Variants in EPB41L3 observed in about 807,000 individuals in gnomAD.
EPB41L3 encodes the protein erythrocyte membrane protein band 4.1 like 3, also known as band 4.1-like protein 3.
In EPB41L3, 57 loss-of-function variants were observed where a neutral mutation model predicts 127.1. The ratio of observed to expected loss-of-function variants is 0.45; its 90% confidence interval spans 0.36 to 0.56. The LOEUF (loss-of-function observed/expected upper bound fraction) is 0.56, where lower values mean the gene tolerates loss of function less well. EPB41L3 is among the 20% of genes least tolerant of loss of function. The pLI is 0.00. For synonymous variants in EPB41L3, 572 were observed against 549.5 expected, an observed-to-expected ratio of 1.04 and a Z score of -0.57; for missense variants, 1,273 against 1,372.2, an observed-to-expected ratio of 0.93 and a Z score of 1.14.
chr18:5,544,507 C>T (rs1308466517), upstream of EPB41L3, among the ~76,000 whole-genome samples: 2 of 151,888 alleles, frequency 1.3e-5, no homozygotes, highest in African/African-American at 4.8e-5. Flanking sequence ...TAAGAGAAGT[C>T]GCCCATTTTT....
At chr18:5,579,380 T>C (rs2094368901) in intron 3 of EPB41L3, among the ~76,000 whole-genome samples, 1 of 152,218 alleles carries the variant, frequency 6.6e-6, no homozygotes, top group Non-Finnish European at 1.5e-5. Flanking sequence ...TCATAGGTGC[T>C]TCTTATTTAA....
intron 3 of EPB41L3, among the ~76,000 whole-genome samples, chr18:5,556,294 C>T (rs1950861817): frequency 6.6e-6 from 1 of 152,224 alleles, no homozygotes; most frequent in Non-Finnish European, 1.5e-5. Context: ...AGATCTTGGA[C>T]ATTTAAGTGA....
chr18:5,547,585 CTATATAATT>C (rs1354392804), upstream of EPB41L3, among the ~76,000 whole-genome samples: 5 of 152,258 alleles, frequency 3.3e-5, no homozygotes, highest in Middle Eastern at 6.8e-3. Context: ...TGAAATTACT[CTATATAATT>C]TATATCACTG....
intron 3 of EPB41L3, among the ~76,000 whole-genome samples, chr18:5,453,108 G>A (rs1376500541): frequency 6.6e-6 from 1 of 152,170 alleles, no homozygotes; most frequent in East Asian, 1.9e-4. Flanking sequence ...GACAATGAGT[G>A]CAAAAGCAGG....
chr18:5,452,083 G>A (rs945908342), intron 3 of EPB41L3, among the ~76,000 whole-genome samples: 4 of 152,174 alleles, frequency 2.6e-5, no homozygotes, highest in African/African-American at 9.6e-5. Flanking sequence ...GACCTCAAGT[G>A]ATCCATCCAC....
intron 16 of EPB41L3, among the ~76,000 whole-genome samples, chr18:5,404,814 A>ATCTGAT (rs2075091500): frequency 1.3e-5 from 2 of 152,192 alleles, no homozygotes; most frequent in South Asian, 4.1e-4. Flanking sequence ...TTAATCCAGT[A>ATCTGAT]TCTGATATCT....
chr18:5,579,674 T>C (rs183813145), intron 3 of EPB41L3, among the ~76,000 whole-genome samples: 107 of 152,314 alleles, frequency 7.0e-4, no homozygotes, highest in African/African-American at 2.5e-3. Flanking sequence ...ACCTTGTCTA[T>C]AGGTCATAGC....
intron 3 of EPB41L3, among the ~76,000 whole-genome samples, chr18:5,559,366 T>C (rs1449105192): frequency 6.6e-6 from 1 of 152,174 alleles, no homozygotes; most frequent in Non-Finnish European, 1.5e-5. Context: ...TCCTTACTTC[T>C]CCACCCGCCT....
At chr18:5,447,447 A>C (rs968555864) in intron 3 of EPB41L3, among the ~76,000 whole-genome samples, 1 of 106,762 alleles carries the variant, frequency 9.4e-6, no homozygotes, top group African/African-American at 3.4e-5. Context: ...TAGCTAGACT[A>C]CTTTTTTTTT....
At chr18:5,487,118 A>G (rs2089882971) in intron 2 of EPB41L3, among the ~76,000 whole-genome samples, 1 of 152,206 alleles carries the variant, frequency 6.6e-6, no homozygotes, top group African/African-American at 2.4e-5. Context: ...AAAGTGGTAT[A>G]TACACCCAAT....
chr18:5,575,836 CA>C (rs1292532711), intron 3 of EPB41L3, among the ~76,000 whole-genome samples: 3 of 150,464 alleles, frequency 2.0e-5, no homozygotes, highest in Non-Finnish European at 3.0e-5. Flanking sequence ...GACTCCGTCT[CA>C]AAAAAAAAGC....
intron 11 of EPB41L3, among the ~76,000 whole-genome samples, chr18:5,420,855 G>A (rs1412549076): frequency 6.6e-6 from 1 of 152,120 alleles, no homozygotes; most frequent in East Asian, 1.9e-4. Context: ...GTAAATAAAA[G>A]AAAGGATTCT....
upstream of EPB41L3, among the ~76,000 whole-genome samples, chr18:5,545,454 G>A (rs1362041573): frequency 6.6e-6 from 1 of 152,166 alleles, no homozygotes; most frequent in Non-Finnish European, 1.5e-5. Flanking sequence ...AGGAAAGGAG[G>A]ATGGTATTTG....
Position 5,460,050 on chromosome 18 carries a change from C to T in EPB41L3, c.382-14806G>A, listed in dbSNP as rs531601284. ...TAGGTCATTTTCAGTCCTTTCCCTG[C>T]TCCTCTCTCCCTCATTTTGGAGTTT... On this transcript the variant is annotated intron_variant, in intron 3 of 22. Coordinates refer to ENST00000341928, the MANE Select transcript of EPB41L3 (RefSeq NM_012307.5). Among the ~76,000 whole-genome samples the T allele has an allele frequency of 1.3e-4, 20 of 152,302 alleles. No individual in the cohort carries two copies. In the South Asian group the frequency reaches 1.5e-3, roughly 11 times the overall value.
At chr18:5,432,602 T>A (rs1568145500) in intron 8 of EPB41L3, among the ~76,000 whole-genome samples, 2 of 152,228 alleles carry the variant, frequency 1.3e-5, no homozygotes, top group Admixed American at 6.5e-5. Context: ...AAGACTTTTA[T>A]TCTGGGCTGT....
intron 5 of EPB41L3, among the ~76,000 whole-genome samples, chr18:5,440,377 A>G (rs2080504132): frequency 6.6e-6 from 1 of 152,236 alleles, no homozygotes; most frequent in African/African-American, 2.4e-5. Flanking sequence ...GTCCAGTTAA[A>G]TGGGGCATAA....
intron 3 of EPB41L3, among the ~76,000 whole-genome samples, chr18:5,577,963 A>C (rs545541161): frequency 6.6e-6 from 1 of 152,150 alleles, no homozygotes; most frequent in South Asian, 2.1e-4. Flanking sequence ...AAGGAGTCTG[A>C]GCTCATTTAA....
chr18:5,624,898 G>A (rs766393866), intron 1 of EPB41L3, among the ~76,000 whole-genome samples: 8 of 152,144 alleles, frequency 5.3e-5, no homozygotes, highest in African/African-American at 1.7e-4. Flanking sequence ...GAGAATTATC[G>A]AGAAAAACAT....
At chr18:5,620,322 A>G (rs950112069) in intron 1 of EPB41L3, among the ~76,000 whole-genome samples, 9 of 152,204 alleles carry the variant, frequency 5.9e-5, no homozygotes, top group Non-Finnish European at 1.0e-4. Context: ...TTCTAACTGT[A>G]TACTACAGAG....
Sources: gnomAD v4.1 joint callset for allele counts (sites outside exome capture counted in the v4.1 genomes callset) on GRCh38, gnomAD v4.1.1 for gene constraint, MANE v1.5 for transcripts, NCBI Gene and HGNC (gene_info 2026-07-23, HGNC 2026-07-21) for gene names.